Variants in RFX8 observed in about 807,000 individuals in gnomAD.
RFX8 encodes regulatory factor X8.
In RFX8, 46 loss-of-function variants were observed where a neutral mutation model predicts 54.6. That is an observed-to-expected ratio of 0.84 (90% CI 0.67 to 1.08). The LOEUF is 1.08. Ranked by LOEUF, RFX8 falls within the 50% of genes least tolerant of loss-of-function variation. The pLI is 0.00. For synonymous variants in RFX8, 192 were observed against 209.5 expected (o/e 0.92, Z 0.72); for missense variants, 536 against 562.3 (o/e 0.95, Z 0.47).
intron 2 of RFX8, among the ~76,000 whole-genome samples, chr2:101,459,879 A>G (rs6543068): frequency 0.34 from 52,213 of 151,838 alleles, 9,598 homozygotes; most frequent in African/African-American, 0.44. Flanking sequence ...GTTGCACTGC[A>G]GTGGGCTGCA....
At position 101,402,468 on chromosome 2, in the gene RFX8, C is replaced by G. The variant is rs779702917; in HGVS notation, c.1213G>C (p.Gly405Arg). 111 of 1,550,616 alleles carry G rather than the reference C, an allele frequency of 7.2e-5. 1 individual carries two copies. The highest frequency in any genetic ancestry group is 1.7e-6 in the Non-Finnish European group (2 of 1,146,126). The change falls in exon 11 of 12, where the codon GGC (glycine) becomes CGC (arginine). Residue 405 changes from glycine to arginine, a missense_variant. Coordinates refer to ENST00000428343, the MANE Select transcript of RFX8 (RefSeq NM_001145664.2). The stretch of plus-strand genomic sequence containing the variant: ...CCCATGGCAGTGTCCACCAGGAAGC[C>G]CAGGATCCTGAGGACCATGTTGCTC... ...GVSNMVLRIL[G>R]FLVDTAMGNK...
chr2:101,406,973 T>G (rs779880852), intron 9 of RFX8, among the ~76,000 whole-genome samples: 1 of 152,204 alleles, frequency 6.6e-6, no homozygotes, highest in Non-Finnish European at 1.5e-5. Flanking sequence ...TGCTGCTGCA[T>G]GCAGACTAAG....
chr2:101,437,859 G>A (rs557142069), intron 2 of RFX8, among the ~76,000 whole-genome samples: 1 of 69,054 alleles, frequency 1.4e-5, no homozygotes, highest in Admixed American at 1.1e-4. Flanking sequence ...ACCTGTGCAG[G>A]TTCATGTATC....
intron 4 of RFX8, chr2:101,421,421 C>A (rs764989162): frequency 2.8e-6 from 3 of 1,069,686 alleles, no homozygotes; most frequent in Non-Finnish European, 3.4e-6. Context: ...ATTTTATTAC[C>A]AACACTTTAT....
intron 11 of RFX8, among the ~76,000 whole-genome samples, chr2:101,398,687 T>A (rs780704267): frequency 2.6e-5 from 4 of 152,296 alleles, no homozygotes; most frequent in Non-Finnish European, 5.9e-5. Flanking sequence ...AGTCTTCCTA[T>A]CAGAGAAAGG....
Position 101,397,617 on chromosome 2 carries a change from C to G in RFX8, c.1353G>C (p.Val451=), listed in dbSNP as rs540512781. Residue 451 remains valine, a synonymous_variant, in exon 12 of 12, where the codon GTG becomes GTC. Transcript: ENST00000428343. The stretch of plus-strand genomic sequence containing the variant: ...TTTGGGGTACATCTGATATCTGAAT[C>G]ACAAATTGTTGTCCATCTTTTAGGG... ...LITLKDGQQF[V]IQISDVPQSS... The G allele has an allele frequency of 7.1e-6, 11 of 1,551,090 alleles. No individual in the cohort carries two copies. The South Asian group carries it at 1.1e-4, about 15-fold the overall frequency.
chr2:101,431,905 G>A (rs551592454), intron 2 of RFX8, among the ~76,000 whole-genome samples: 1 of 152,160 alleles, frequency 6.6e-6, no homozygotes, highest in Non-Finnish European at 1.5e-5. Context: ...CTGAAGGGAC[G>A]TGCCTGCCAT....
intron 2 of RFX8, among the ~76,000 whole-genome samples, chr2:101,427,977 C>T (rs956917562): frequency 1.3e-5 from 2 of 152,042 alleles, no homozygotes; most frequent in East Asian, 3.9e-4. Flanking sequence ...ATCCCCCCCG[C>T]CCCCCGCAGG....
At chr2:101,426,449 T>G (rs754907214) in intron 2 of RFX8, among the ~76,000 whole-genome samples, 2 of 152,152 alleles carry the variant, frequency 1.3e-5, no homozygotes, top group African/African-American at 4.8e-5. Context: ...AGCCTAGAAG[T>G]TGGAGACTCC....
At chr2:101,425,302 CTCA>C (rs1343480888) in intron 2 of RFX8, among the ~76,000 whole-genome samples, 1 of 152,182 alleles carries the variant, frequency 6.6e-6, no homozygotes, top group South Asian at 2.1e-4. Context: ...AAGCAGCATT[CTCA>C]AACACATCAG....
At position 101,397,678 on chromosome 2, in the gene RFX8, TTAAC is replaced by T; in HGVS notation, c.1288_1291del (p.Val430AsnfsTer12). On this transcript the variant is annotated frameshift_variant, in exon 12 of 12. Transcript: ENST00000428343. LOFTEE classifies it high-confidence loss of function. ...TTCTTGTCCCATAGGAAGGCTGAGT[TTAAC>T]TGCGCTTTCAGTGGTTTCATCTTCC... 1 of 1,551,212 alleles carries T rather than the reference TTAAC, an allele frequency of 6.4e-7. No individual in the cohort carries two copies. Among genetic ancestry groups the T allele is most frequent in the Non-Finnish European group, 8.7e-7 (1 of 1,146,832 alleles).
intron 11 of RFX8, among the ~76,000 whole-genome samples, chr2:101,398,392 GGC>G: frequency 6.6e-6 from 1 of 152,132 alleles, no homozygotes; most frequent in Non-Finnish European, 1.5e-5. Flanking sequence ...GCCTGTGAAA[GGC>G]ACCCACGGTC....
chr2:101,430,393 G>T (rs944962371), intron 2 of RFX8, among the ~76,000 whole-genome samples: 1 of 152,156 alleles, frequency 6.6e-6, no homozygotes, highest in African/African-American at 2.4e-5. Context: ...AGATCCTTAA[G>T]GAGATAATTA....
intron 2 of RFX8, among the ~76,000 whole-genome samples, chr2:101,451,426 G>A (rs955326618): frequency 1.3e-5 from 2 of 152,120 alleles, no homozygotes; most frequent in East Asian, 1.9e-4. Context: ...GGTGGCTCAC[G>A]CCTGTAATCT....
chr2:101,427,117 G>A (rs1687218123), intron 2 of RFX8, among the ~76,000 whole-genome samples: 1 of 152,148 alleles, frequency 6.6e-6, no homozygotes, highest in African/African-American at 2.4e-5. Context: ...CCTCCTAAGA[G>A]AGAAGCCAGT....
At chr2:101,468,992 G>GTA (rs10645835) in intron 1 of RFX8, among the ~76,000 whole-genome samples, 577 of 27,750 alleles carry the variant, frequency 0.021, 51 homozygotes, top group East Asian at 0.049. Flanking sequence ...ATATATATAA[G>GTA]TATATATATA....
chr2:101,472,783 C>T (rs556272523), intron 1 of RFX8, among the ~76,000 whole-genome samples: 20 of 152,172 alleles, frequency 1.3e-4, no homozygotes, highest in African/African-American at 4.8e-4. Flanking sequence ...TTTGGGAGGC[C>T]GAGGGAAGTG....
chr2:101,440,966 A>ATTTTTTTTTT (rs70946645), intron 2 of RFX8, among the ~76,000 whole-genome samples: 17 of 113,460 alleles, frequency 1.5e-4, no homozygotes, highest in Admixed American at 2.9e-4. Context: ...CCATGTTGAA[A>ATTTTTTTTTT]TTTTTTTTTT....
At chr2:101,439,970 C>T (rs1471400315) in intron 2 of RFX8, among the ~76,000 whole-genome samples, 1 of 152,136 alleles carries the variant, frequency 6.6e-6, no homozygotes, top group Non-Finnish European at 1.5e-5. Flanking sequence ...TGTGGCTATA[C>T]AGTGAGCCTT....
Sources: allele counts gnomAD v4.1 joint callset (sites outside exome capture counted in the v4.1 genomes callset), GRCh38; gene constraint gnomAD v4.1.1; transcripts MANE v1.5; gene names NCBI Gene and HGNC (gene_info 2026-07-23, HGNC 2026-07-21).